CLGN: variants seen among roughly 807,000 people sequenced by gnomAD.
CLGN encodes the protein testis tissue sperm-binding protein Li 79P.
A neutral mutation model predicts 79.1 loss-of-function variants in CLGN; 62 were observed. The observed-to-expected ratio is 0.78, with a 90% confidence interval of 0.64 to 0.97. CLGN has a LOEUF of 0.97. Among genes scored for constraint, CLGN ranks in the 50% least tolerant of loss-of-function variants. The probability of loss-of-function intolerance (pLI) is 0.00; values close to 1 mark genes in which losing one functional copy is unlikely to be tolerated. For synonymous variants in CLGN, 225 were observed against 224.7 expected, an observed-to-expected ratio of 1.00 and a Z score of -0.01; for missense variants, 647 against 715.5, an observed-to-expected ratio of 0.90 and a Z score of 1.09.
At chr4:140,414,587 A>G (rs1729285597) in intron 1 of CLGN, among the ~76,000 whole-genome samples, 2 of 148,006 alleles carry the variant, frequency 1.4e-5, no homozygotes, top group African/African-American at 5.0e-5. Context: ...ATCAACTGGA[A>G]GAAAGGGTAT....
intron 10 of CLGN, 141 bp downstream of exon 10, chr4:140,395,678 A>C: frequency 1.8e-6 from 1 of 554,520 alleles, no homozygotes; most frequent in Non-Finnish European, 2.8e-6. Context: ...TTAAAATATA[A>C]ATTAGTTGAG....
At chr4:140,413,778 G>A (rs2126629765) in intron 1 of CLGN, among the ~76,000 whole-genome samples, 2 of 152,362 alleles carry the variant, frequency 1.3e-5, no homozygotes, top group African/African-American at 4.8e-5. Context: ...CGAGGCTGGG[G>A]GAGGGGCGCC....
At chr4:140,404,117 ACT>A (rs1729048346) in intron 5 of CLGN, among the ~76,000 whole-genome samples, 1 of 150,968 alleles carries the variant, frequency 6.6e-6, no homozygotes, top group Admixed American at 6.6e-5. Flanking sequence ...AGACAGTCTC[ACT>A]CTGTTGCCCA....
intron 6 of CLGN, among the ~76,000 whole-genome samples, chr4:140,401,389 T>C (rs779312291): frequency 6.6e-6 from 1 of 152,296 alleles, no homozygotes; most frequent in Middle Eastern, 3.4e-3. Flanking sequence ...TCATAGCTTA[T>C]GTACAGCTAA....
Position 140,391,087 on chromosome 4 carries a change from G to C in CLGN, c.1652-359C>G, listed in dbSNP as rs115729938. On this transcript the variant is annotated intron_variant, in intron 13 of 14. Coordinates refer to ENST00000325617, the MANE Select transcript of CLGN (RefSeq NM_004362.3). ...TGTTATTTACTTATGTTTGTTCTCTGTGGACATCATGCATTTTTTCAGTTA... is the reference window on the plus strand; with the variant it reads ...TGTTATTTACTTATGTTTGTTCTCTCTGGACATCATGCATTTTTTCAGTTA... 5.8e-3 allele frequency among the ~76,000 whole-genome samples: 881 copies of C among 151,634 alleles called. 5 individuals are homozygous for C. Among genetic ancestry groups the C allele is most frequent in the Non-Finnish European group, 8.4e-3 (570 of 67,688 alleles).
Position 140,399,041 on chromosome 4 carries a change from C to T in CLGN, c.695-1G>A, listed in dbSNP as rs137939769. 3.1e-6 allele frequency: 5 copies of T among 1,593,570 alleles called. No individual in the cohort carries two copies. The highest frequency in any genetic ancestry group is 3.4e-6 in the Non-Finnish European group (4 of 1,173,434). ...TCAAATGTGTCATCTGGATTCATCA[C>T]TAAGGGACCAATTTAAATAAATTAT... is the stretch of plus-strand genomic sequence containing the variant. On this transcript the variant is annotated splice_acceptor_variant, in intron 7 of 14. Coordinates refer to ENST00000325617, the MANE Select transcript of CLGN (RefSeq NM_004362.3). LOFTEE classifies it high-confidence loss of function.
At chr4:140,423,994 TG>T (rs1578611341) in intron 1 of CLGN, among the ~76,000 whole-genome samples, 1 of 152,164 alleles carries the variant, frequency 6.6e-6, no homozygotes, top group African/African-American at 2.4e-5. Flanking sequence ...TTTTCTCTCT[TG>T]TTTTTCTATT....
At position 140,402,044 on chromosome 4, in the gene CLGN, C is replaced by T. The variant is rs755172152; in HGVS notation, c.442G>A (p.Gly148Ser). The T allele has an allele frequency of 1.9e-6, 3 of 1,576,066 alleles. No individual in the cohort carries two copies. The highest frequency in any genetic ancestry group is 2.6e-6 in the Non-Finnish European group (3 of 1,157,966). ...ATGTATGCACCTCCACAATCAATAC[C>T]ATCTTGAAAATTTACTTCATATCTG... ...IVQYEVNFQDGIDCGGAYIKL... is the reference protein window; with the variant it reads ...IVQYEVNFQDSIDCGGAYIKL... Residue 148 changes from glycine (G) to serine (S), a missense_variant, in exon 6 of 15, where the codon GGT becomes AGT. Transcript: ENST00000325617.
intron 5 of CLGN, among the ~76,000 whole-genome samples, chr4:140,405,097 C>T (rs1729074647): frequency 6.6e-6 from 1 of 151,596 alleles, no homozygotes; most frequent in African/African-American, 2.4e-5. Flanking sequence ...TGAATCTTAT[C>T]ACTGGTTTAA....
At chr4:140,390,561 G>T in intron 14 of CLGN, 67 bp downstream of exon 14, 2 of 997,452 alleles carry the variant, frequency 2.0e-6, no homozygotes, top group Non-Finnish European at 2.9e-6. Context: ...AATCATATTG[G>T]TGCTTTTATT....
At chr4:140,390,498 A>AAT in intron 14 of CLGN, 130 bp downstream of exon 14, 1 of 499,062 alleles carries the variant, frequency 2.0e-6, no homozygotes, top group South Asian at 3.7e-5. Flanking sequence ...TTTTAAAAAC[A>AAT]ATATAGAGGC....
chr4:140,405,407 A>G (rs1486758027), intron 5 of CLGN, among the ~76,000 whole-genome samples: 1 of 150,072 alleles, frequency 6.7e-6, no homozygotes, highest in Non-Finnish European at 1.5e-5. Context: ...GATGGTCTCG[A>G]TCTCCTGACC....
intron 1 of CLGN, among the ~76,000 whole-genome samples, chr4:140,426,517 C>T (rs900099050): frequency 9.8e-5 from 15 of 152,348 alleles, no homozygotes; most frequent in South Asian, 6.2e-4. Flanking sequence ...GGCAAAACTC[C>T]AAACTGAAAA....
intron 1 of CLGN, among the ~76,000 whole-genome samples, chr4:140,416,495 C>T (rs180790854): frequency 3.2e-4 from 48 of 152,152 alleles, no homozygotes; most frequent in Non-Finnish European, 5.0e-4. Flanking sequence ...ATCTAATAGA[C>T]GCAGCAAAAA....
chr4:140,401,098 G>C (rs144442550), intron 6 of CLGN, among the ~76,000 whole-genome samples: 25 of 152,110 alleles, frequency 1.6e-4, no homozygotes, highest in Middle Eastern at 3.4e-3. Flanking sequence ...AAACTAGTTG[G>C]GTGTCACCCT....
chr4:140,398,348 C>T (rs111785019), intron 8 of CLGN, among the ~76,000 whole-genome samples: 1 of 145,300 alleles, frequency 6.9e-6, no homozygotes. Flanking sequence ...GGGCTCACTG[C>T]AGCCTCTGCC....
In CLGN at chr4:140,400,300, A is replaced by AAT. The variant is rs1236480040; in HGVS notation, c.694+55_694+56dup. On this transcript the variant is annotated intron_variant, in intron 7 of 14. Transcript: ENST00000325617. ...GTTTTCTTGTAAAGCACTTGCCATG[A>AAT]ATACATCAATAGTCAGCAAATATTT... 3.1e-6 allele frequency: 4 copies of AAT among 1,270,212 alleles called. No homozygotes were observed. The African/African-American group carries it at 6.1e-5, about 19-fold the overall frequency. The allele number at this position is 1,270,212 out of a possible 1,614,324, so 78.7% of individuals were successfully genotyped here.
intron 8 of CLGN, 49 bp downstream of exon 8, chr4:140,398,802 A>G (rs777157951): frequency 1.3e-6 from 2 of 1,499,226 alleles, no homozygotes; most frequent in Admixed American, 1.8e-5. Context: ...ATGTTGTTTC[A>G]TTACCTAGTT....
At chr4:140,400,003 G>A (rs376245846) in intron 7 of CLGN, among the ~76,000 whole-genome samples, 1 of 151,928 alleles carries the variant, frequency 6.6e-6, no homozygotes, top group Admixed American at 6.6e-5. Flanking sequence ...TTATTTTCTA[G>A]TTTTCTGTTC....
Sources: gnomAD v4.1 joint callset for allele counts (sites outside exome capture counted in the v4.1 genomes callset) on GRCh38, gnomAD v4.1.1 for gene constraint, MANE v1.5 for transcripts, NCBI Gene and HGNC (gene_info 2026-07-23, HGNC 2026-07-21) for gene names.